Variants in ZCCHC7 observed in about 807,000 individuals in gnomAD.
ZCCHC7 encodes zinc finger CCHC-type containing 7.
ZCCHC7 carries 35 observed loss-of-function variants against 52.0 expected under a neutral mutation model. The ratio of observed to expected loss-of-function variants is 0.67; its 90% CI spans 0.51 to 0.89. ZCCHC7 has a LOEUF of 0.89. Among genes scored for constraint, ZCCHC7 ranks in the 40% least tolerant of loss-of-function variants. ZCCHC7 has a pLI of 0.00. For missense variants in ZCCHC7, 574 were observed against 649.1 expected (o/e 0.88, Z 1.26); for synonymous variants, 217 against 221.5 (o/e 0.98, Z 0.18).
intron 5 of ZCCHC7, among the ~76,000 whole-genome samples, chr9:37,319,239 C>A (rs924957617): frequency 1.3e-5 from 2 of 152,008 alleles, no homozygotes; most frequent in Non-Finnish European, 2.9e-5. Context: ...TTCTTATTGG[C>A]TGTTGATAGT....
intron 2 of ZCCHC7, among the ~76,000 whole-genome samples, chr9:37,176,101 A>G (rs1483577498): frequency 1.3e-5 from 2 of 151,770 alleles, no homozygotes; most frequent in African/African-American, 4.8e-5. Context: ...TTTGAGATGG[A>G]GTCTTGCTGT....
At chr9:37,317,841 CG>C (rs1381577723) in intron 5 of ZCCHC7, among the ~76,000 whole-genome samples, 4 of 104,602 alleles carry the variant, frequency 3.8e-5, no homozygotes, top group Non-Finnish European at 6.2e-5. Flanking sequence ...CCACTCCCCC[CG>C]ACCCCCCCCA....
intron 2 of ZCCHC7, among the ~76,000 whole-genome samples, chr9:37,184,185 T>C (rs1020630077): frequency 1.3e-5 from 2 of 152,248 alleles, no homozygotes; most frequent in African/African-American, 4.8e-5. Context: ...GTTGAGCTAA[T>C]TCCTTACTGT....
chr9:37,306,464 A>G (rs1402259570), intron 5 of ZCCHC7, among the ~76,000 whole-genome samples: 1 of 148,150 alleles, frequency 6.7e-6, no homozygotes, highest in Non-Finnish European at 1.5e-5. Context: ...TTTTATTTTT[A>G]TTTTATTTAT....
In ZCCHC7 at chr9:37,305,563, T is replaced by G; in HGVS notation, c.800T>G (p.Leu267Arg). The change falls in exon 5 of 9, where the codon CTG (leucine) becomes CGG (arginine). Residue 267 changes from leucine to arginine, a missense_variant. Coordinates refer to ENST00000336755, the MANE Select transcript of ZCCHC7 (RefSeq NM_032226.3). ...ACATAGAAAGTTCGTCGCTGCTTCCTGTGCTCCAGGAGAGGACATCTCCTG... is the reference window on the plus strand; with the variant it reads ...ACATAGAAAGTTCGTCGCTGCTTCCGGTGCTCCAGGAGAGGACATCTCCTG... ...PLPRKVRRCF[L>R]CSRRGHLLYS... is the part of the protein sequence containing the mutation. 6.2e-7 allele frequency: 1 copy of G among 1,614,054 alleles called. No homozygotes were observed. The highest frequency in any genetic ancestry group is 8.5e-7 in the Non-Finnish European group (1 of 1,180,004).
chr9:37,280,151 A>G (rs1476603464), intron 2 of ZCCHC7, among the ~76,000 whole-genome samples: 1 of 152,180 alleles, frequency 6.6e-6, no homozygotes, highest in Admixed American at 6.5e-5. Context: ...AAAAAAAAAA[A>G]GGGATGTTTC....
intron 6 of ZCCHC7, among the ~76,000 whole-genome samples, chr9:37,347,759 C>G (rs1821082779): frequency 1.3e-5 from 2 of 152,176 alleles, no homozygotes; most frequent in Admixed American, 1.3e-4. Flanking sequence ...CTGCCTTGTA[C>G]TCTTTCTAGA....
At chr9:37,226,883 G>T (rs770638250) in intron 2 of ZCCHC7, among the ~76,000 whole-genome samples, 1 of 151,960 alleles carries the variant, frequency 6.6e-6, no homozygotes, top group African/African-American at 2.4e-5. Flanking sequence ...CCAAAAATTA[G>T]CTGGGCTTGG....
chr9:37,150,495 A>G (rs2132828268), intron 2 of ZCCHC7, among the ~76,000 whole-genome samples: 1 of 152,320 alleles, frequency 6.6e-6, no homozygotes, highest in South Asian at 2.1e-4. Context: ...ATTGCCCTTG[A>G]TGTATTCTGC....
intron 5 of ZCCHC7, 92 bp downstream of exon 5, chr9:37,305,806 T>C (rs1398704900): frequency 1.3e-5 from 17 of 1,343,638 alleles, no homozygotes; most frequent in Non-Finnish European, 1.8e-5. Flanking sequence ...TCAGTCAGCA[T>C]ACCTAAAGGA....
intron 2 of ZCCHC7, among the ~76,000 whole-genome samples, chr9:37,138,754 T>C (rs902761559): frequency 1.9e-4 from 29 of 151,744 alleles, no homozygotes; most frequent in Admixed American, 2.0e-4. Flanking sequence ...GGCAACATTT[T>C]CTTCCTTGTC....
intron 2 of ZCCHC7, among the ~76,000 whole-genome samples, chr9:37,264,139 A>G (rs2133459412): frequency 6.6e-6 from 1 of 152,290 alleles, no homozygotes; most frequent in Non-Finnish European, 1.5e-5. Context: ...GCTGTCATTT[A>G]CTAGTTGTGT....
intron 5 of ZCCHC7, among the ~76,000 whole-genome samples, chr9:37,316,640 A>G (rs1011419597): frequency 3.9e-5 from 6 of 152,186 alleles, no homozygotes; most frequent in Non-Finnish European, 7.4e-5. Context: ...CCTTATTCTT[A>G]TAAGAATTTG....
intron 2 of ZCCHC7, among the ~76,000 whole-genome samples, chr9:37,243,228 T>C (rs1825949419): frequency 6.6e-6 from 1 of 151,820 alleles, no homozygotes; most frequent in Non-Finnish European, 1.5e-5. Flanking sequence ...TATATATATT[T>C]GTTTTATGTT....
chr9:37,354,257 A>G lies in ZCCHC7; in HGVS notation c.1084-453A>G, dbSNP rs532315019. On this transcript the variant is annotated intron_variant, in intron 7 of 8. Coordinates refer to ENST00000336755, the MANE Select transcript of ZCCHC7 (RefSeq NM_032226.3). This position sits in a 1 kb window ranked among gnomAD's most constrained non-coding sequence, Gnocchi z 4.0. ...AGCTTGCAAACCATTTGTCTCTAGA[A>G]AAAAAGATCAAAGGGCTTAGAACTT... Among the ~76,000 whole-genome samples, 1 of 152,322 alleles carries G rather than the reference A, an allele frequency of 6.6e-6. No individual in the cohort carries two copies. The highest frequency in any genetic ancestry group is 1.9e-4 in the East Asian group (1 of 5,192).
At chr9:37,287,312 G>A (rs1386024945) in intron 2 of ZCCHC7, among the ~76,000 whole-genome samples, 3 of 151,856 alleles carry the variant, frequency 2.0e-5, no homozygotes, top group Admixed American at 2.0e-4. Context: ...ATCAGGATGA[G>A]CATTTGTACA....
chr9:37,188,375 G>A (rs920282610), intron 2 of ZCCHC7, among the ~76,000 whole-genome samples: 7 of 151,570 alleles, frequency 4.6e-5, no homozygotes, highest in African/African-American at 1.7e-4. Flanking sequence ...GTCTGGTCTC[G>A]AACTCCTGGG....
rs569214586 is a variant in ZCCHC7 at position 37,186,573 on chromosome 9, A to G, written c.610+59631A>G. ...TCTTTAGGGTGTTACAAACACATCA[A>G]GGACAGTTGGCAGTAACTGAAGTTT... On this transcript the variant is annotated intron_variant, in intron 2 of 8. Coordinates refer to ENST00000336755, the MANE Select transcript of ZCCHC7 (RefSeq NM_032226.3). The G allele has an allele frequency of 5.4e-5, 21 of 385,744 alleles. 1 individual carries two copies. In the Middle Eastern group the frequency reaches 2.2e-3, roughly 40 times the overall value. The allele number at this position is 385,744 out of a possible 1,614,324, so 23.9% of individuals were successfully genotyped here.
chr9:37,196,682 A>G (rs1298486771), intron 2 of ZCCHC7, among the ~76,000 whole-genome samples: 4 of 152,188 alleles, frequency 2.6e-5, no homozygotes, highest in African/African-American at 9.6e-5. Context: ...AAAGCTGAGC[A>G]TTTAAAATTA....
Sources: gnomAD v4.1 joint callset for allele counts (sites outside exome capture counted in the v4.1 genomes callset) on GRCh38, gnomAD v4.1.1 for gene constraint, Gnocchi (gnomAD v3.1) non-coding constraint, MANE v1.5 for transcripts, NCBI Gene and HGNC (gene_info 2026-07-23, HGNC 2026-07-21) for gene names.